LUZP2: variants seen among roughly 807,000 people sequenced by gnomAD.
LUZP2 encodes the protein leucine zipper protein 2.
Under a neutral mutation model 51.6 loss-of-function variants are expected in LUZP2, and 52 were observed. The observed-to-expected ratio is 1.01, with a 90% CI of 0.81 to 1.27. The LOEUF (loss-of-function observed/expected upper bound fraction) is 1.27. LUZP2 is among the 50% of genes most tolerant of loss of function. LUZP2 has a pLI of 0.00. For missense variants in LUZP2, 436 were observed against 395.4 expected (o/e 1.10, Z -0.87); for synonymous variants, 154 against 137.3 (o/e 1.12, Z -0.85).
intron 9 of LUZP2, among the ~76,000 whole-genome samples, chr11:25,038,972 G>T (rs1409668195): frequency 5.3e-5 from 8 of 152,122 alleles, no homozygotes; most frequent in Non-Finnish European, 1.2e-4. Context: ...AGAGCAATGG[G>T]TGGTTGATAA....
chr11:24,732,817 G>C lies in LUZP2; in HGVS notation c.251+629G>C, dbSNP rs1384193884. On this transcript the variant is annotated intron_variant, in intron 3 of 11. Coordinates refer to ENST00000336930, the MANE Select transcript of LUZP2 (RefSeq NM_001009909.4). Reference sequence around the variant, plus strand: ...ACACTTACTAGCAGCCCTTCTAGTAGGTTTGTATATATTTTCTTGTTTCAT... The same window carrying C: ...ACACTTACTAGCAGCCCTTCTAGTACGTTTGTATATATTTTCTTGTTTCAT... Among the ~76,000 whole-genome samples the C allele has an allele frequency of 2.0e-5, 3 of 151,628 alleles. No individual in the cohort carries two copies. The Admixed American group carries it at 2.0e-4, about 10-fold the overall frequency.
chr11:24,531,712 A>G (rs1021556773), intron 1 of LUZP2, among the ~76,000 whole-genome samples: 1 of 150,922 alleles, frequency 6.6e-6, no homozygotes, highest in African/African-American at 2.4e-5. Context: ...CATTTTGTTT[A>G]ACATACCACA....
chr11:24,663,817 G>A lies in LUZP2; in HGVS notation c.63-65352G>A, dbSNP rs138025953. Among the ~76,000 whole-genome samples the A allele has an allele frequency of 1.4e-4, 21 of 152,164 alleles. No homozygotes were observed. The East Asian group carries it at 3.3e-3, about 24-fold the overall frequency. On this transcript the variant is annotated intron_variant, in intron 1 of 11. Transcript: ENST00000336930. ...AAGAGATCTGATGGTTTTACATGAGGCTTCCCCCTTCACTTGGCTCTCATT... is the reference window on the plus strand; with the variant it reads ...AAGAGATCTGATGGTTTTACATGAGACTTCCCCCTTCACTTGGCTCTCATT...
At chr11:25,077,511 T>TTTA (rs1406696435) in intron 11 of LUZP2, 105 bp downstream of exon 11, 2 of 380,898 alleles carry the variant, frequency 5.3e-6, no homozygotes, top group African/African-American at 4.7e-5. Context: ...TATTTATTTA[T>TTTA]TTTTTTGAGA....
intron 7 of LUZP2, among the ~76,000 whole-genome samples, chr11:24,937,101 G>T (rs1009779505): frequency 6.6e-6 from 1 of 151,922 alleles, no homozygotes; most frequent in African/African-American, 2.4e-5. Context: ...ACTTATCTTG[G>T]GGTCTAGGAC....
chr11:24,957,766 T>A (rs1855252072), intron 7 of LUZP2, among the ~76,000 whole-genome samples: 2 of 152,190 alleles, frequency 1.3e-5, no homozygotes, highest in South Asian at 4.1e-4. Context: ...TTTTTTTTAT[T>A]AATATACTTT....
chr11:24,685,518 C>T (rs1446391966), intron 1 of LUZP2, among the ~76,000 whole-genome samples: 2 of 152,128 alleles, frequency 1.3e-5, no homozygotes, highest in Non-Finnish European at 2.9e-5. Context: ...TGTGCTATGT[C>T]TTCTGGCTAT....
At chr11:24,521,929 C>T (rs10500981) in intron 1 of LUZP2, among the ~76,000 whole-genome samples, 12,772 of 151,972 alleles carry the variant, frequency 0.084, 607 homozygotes, top group African/African-American at 0.12. Flanking sequence ...GATTTGTAAC[C>T]GTCACCAAGT....
In LUZP2 at chr11:24,584,080, T is replaced by C. The variant is rs556216943; in HGVS notation, c.62+86775T>C. On this transcript the variant is annotated intron_variant, in intron 1 of 11. Coordinates refer to ENST00000336930, the MANE Select transcript of LUZP2 (RefSeq NM_001009909.4). ...TCATTAATTCAAATATATATCTATA[T>C]AGAGAGAATGCCTATCATATTCTAG... Among the ~76,000 whole-genome samples the C allele has an allele frequency of 3.9e-5, 6 of 152,248 alleles. No individual in the cohort carries two copies. In the East Asian group the frequency reaches 7.7e-4, roughly 20 times the overall value.
chr11:25,011,207 G>A (rs529646116), intron 9 of LUZP2, among the ~76,000 whole-genome samples: 1 of 152,132 alleles, frequency 6.6e-6, no homozygotes, highest in Non-Finnish European at 1.5e-5. Flanking sequence ...CAATTACTAA[G>A]TTAATGAATG....
intron 7 of LUZP2, among the ~76,000 whole-genome samples, chr11:24,917,008 T>A (rs978430937): frequency 1.3e-5 from 2 of 152,202 alleles, no homozygotes; most frequent in South Asian, 2.1e-4. Flanking sequence ...GTTTCCTGAC[T>A]TTTTAATGAT....
intron 7 of LUZP2, among the ~76,000 whole-genome samples, chr11:24,957,762 T>C (rs1474309340): frequency 6.6e-6 from 1 of 152,208 alleles, no homozygotes; most frequent in East Asian, 1.9e-4. Flanking sequence ...TTCTTTTTTT[T>C]TATTAATATA....
intron 9 of LUZP2, among the ~76,000 whole-genome samples, chr11:25,032,040 T>G (rs548208659): frequency 1.3e-4 from 20 of 152,202 alleles, no homozygotes; most frequent in Non-Finnish European, 2.6e-4. Context: ...ATCGTGACTA[T>G]GGACAGCATA....
chr11:24,649,100 A>G (rs993878941), intron 1 of LUZP2, among the ~76,000 whole-genome samples: 1 of 151,978 alleles, frequency 6.6e-6, no homozygotes, highest in African/African-American at 2.4e-5. Context: ...TGGAGAAAAC[A>G]TGCACAATTT....
intron 5 of LUZP2, among the ~76,000 whole-genome samples, chr11:24,897,584 G>A (rs1262252834): frequency 6.6e-6 from 1 of 152,060 alleles, no homozygotes; most frequent in East Asian, 1.9e-4. Flanking sequence ...GGGAGACCAG[G>A]AACCCACCAG....
chr11:24,777,063 C>T (rs1848949522), intron 5 of LUZP2, among the ~76,000 whole-genome samples: 1 of 147,744 alleles, frequency 6.8e-6, no homozygotes, highest in East Asian at 2.0e-4. Flanking sequence ...GGTGTGATCT[C>T]GGCTCACTGC....
intron 1 of LUZP2, among the ~76,000 whole-genome samples, chr11:24,673,835 T>C (rs1439885515): frequency 6.6e-6 from 1 of 152,174 alleles, no homozygotes; most frequent in Non-Finnish European, 1.5e-5. Context: ...AAATCTAGGA[T>C]TATTTTATTG....
chr11:24,762,372 A>G (rs1860013826), intron 4 of LUZP2, among the ~76,000 whole-genome samples: 1 of 152,234 alleles, frequency 6.6e-6, no homozygotes, highest in Non-Finnish European at 1.5e-5. Flanking sequence ...CTAAAGGCAT[A>G]TAACACAAAA....
At chr11:24,985,308 T>C (rs1038046897) in intron 9 of LUZP2, among the ~76,000 whole-genome samples, 2 of 151,744 alleles carry the variant, frequency 1.3e-5, no homozygotes, top group African/African-American at 4.8e-5. Flanking sequence ...GTTTGTTTCC[T>C]TGTTTGTTTT....
Sources: gnomAD v4.1 joint callset for allele counts (sites outside exome capture counted in the v4.1 genomes callset) on GRCh38, gnomAD v4.1.1 for gene constraint, MANE v1.5 for transcripts, NCBI Gene and HGNC (gene_info 2026-07-23, HGNC 2026-07-21) for gene names.